Variants in COPRS observed in about 807,000 individuals in gnomAD.
The protein encoded by COPRS is coordinator of PRMT5 and differentiation stimulator, also known as cooperator of PRMT5.
Under a neutral mutation model 19.9 loss-of-function variants are expected in COPRS, and 11 were observed. The ratio of observed to expected loss-of-function variants is 0.55; its 90% CI spans 0.35 to 0.92. COPRS has a LOEUF of 0.92. Among genes scored for constraint, COPRS ranks in the 40% least tolerant of loss-of-function variants. The pLI is 0.01. For missense variants in COPRS, 225 were observed against 229.9 expected (o/e 0.98, Z 0.14); for synonymous variants, 81 against 82.7 (o/e 0.98, Z 0.11).
intron 2 of COPRS, among the ~76,000 whole-genome samples, chr17:31,855,671 G>C: frequency 6.7e-6 from 1 of 148,236 alleles, no homozygotes; most frequent in East Asian, 2.0e-4. Flanking sequence ...GGGTGACAGA[G>C]TGAGACTCCA....
intron 1 of COPRS, chr17:31,858,872 CA>C (rs1909443151): frequency 6.5e-7 from 1 of 1,541,572 alleles, no homozygotes; most frequent in African/African-American, 1.4e-5. Context: ...TCTGCTGACC[CA>C]GAGCGCCCAC....
At chr17:31,852,666 G>A in intron 3 of COPRS, 146 bp downstream of exon 3, 1 of 708,922 alleles carries the variant, frequency 1.4e-6, no homozygotes, top group South Asian at 1.6e-5. Flanking sequence ...ATATAAAAGA[G>A]AAGGTGTCAC....
intron 2 of COPRS, 106 bp downstream of exon 2, chr17:31,856,693 A>T: frequency 1.3e-6 from 1 of 798,400 alleles, no homozygotes; most frequent in Non-Finnish European, 2.2e-6. Flanking sequence ...GAAGGCCACT[A>T]AGCAGCAGAG....
chr17:31,855,375 C>T (rs1220422203), intron 2 of COPRS, among the ~76,000 whole-genome samples: 3 of 152,008 alleles, frequency 2.0e-5, no homozygotes, highest in African/African-American at 2.4e-5. Flanking sequence ...GGCGTGGTGG[C>T]GGGTGCCTGT....
rs1425319027 is a variant in COPRS at position 31,859,086 on chromosome 17, C to T, written c.99+15G>A. ...TGCGGCTGGCTGTTGCTCCTGGCCC[C>T]CACGCGGCGCTCACCTCCGGGCTGG... On this transcript the variant is annotated intron_variant, in intron 1 of 3. Coordinates refer to ENST00000302362, the MANE Select transcript of COPRS (RefSeq NM_018405.4). 3 of 1,127,352 alleles carry T rather than the reference C, an allele frequency of 2.7e-6. No homozygotes were observed. Among genetic ancestry groups the T allele is most frequent in the African/African-American group, 3.3e-5 (2 of 60,132 alleles). 69.8% of individuals were successfully genotyped at this position (1,127,352 alleles called of 1,614,324 possible). A position where few individuals can be genotyped will look rare whatever the true frequency, so the allele number is the denominator to read the frequency against.
Position 31,852,988 on chromosome 17 carries a change from C to T in COPRS, c.209G>A (p.Gly70Asp), listed in dbSNP as rs1407342599. Residue 70 changes from glycine to aspartate, a missense_variant, in exon 3 of 4, where the codon GGT (glycine) becomes GAT (aspartate). Transcript: ENST00000302362. ...TTCCTCTTCAGAATGGGTGCCCTCACCCCGGGCAGGACTGTCATTAGGAAT... is the reference window on the plus strand; with the variant it reads ...TTCCTCTTCAGAATGGGTGCCCTCATCCCGGGCAGGACTGTCATTAGGAAT... ...QSIPNDSPAR[G>D]EGTHSEEEGF... The T allele has an allele frequency of 1.9e-6, 3 of 1,614,114 alleles. No individual in the cohort carries two copies. Among genetic ancestry groups the T allele is most frequent in the East Asian group, 4.5e-5 (2 of 44,880 alleles).
intron 2 of COPRS, among the ~76,000 whole-genome samples, chr17:31,855,150 C>T (rs569708210): frequency 2.6e-5 from 4 of 151,758 alleles, no homozygotes; most frequent in East Asian, 1.9e-4. Context: ...CCGAGGTGGG[C>T]GGATCACCTG....
chr17:31,852,600 T>C (rs147897729), intron 3 of COPRS, among the ~76,000 whole-genome samples: 1 of 152,316 alleles, frequency 6.6e-6, no homozygotes, highest in African/African-American at 2.4e-5. Flanking sequence ...AGTAACAGTT[T>C]TGACTTTAAA....
intron 2 of COPRS, among the ~76,000 whole-genome samples, chr17:31,855,201 G>C (rs1472909339): frequency 1.3e-5 from 2 of 151,632 alleles, no homozygotes; most frequent in African/African-American, 4.9e-5. Context: ...CATGGTGAAA[G>C]CCCCTCTCCA....
At chr17:31,856,739 G>A in intron 2 of COPRS, 60 bp downstream of exon 2, 1 of 1,007,996 alleles carries the variant, frequency 9.9e-7, no homozygotes, top group Non-Finnish European at 1.6e-6. Context: ...TGAGACAGAG[G>A]GACTATTCCT....
At chr17:31,855,826 T>A (rs1909330570) in intron 2 of COPRS, among the ~76,000 whole-genome samples, 1 of 151,140 alleles carries the variant, frequency 6.6e-6, no homozygotes, top group Non-Finnish European at 1.5e-5. Context: ...TGAAACCCCA[T>A]CTCTACTAAA....
Position 31,857,096 on chromosome 17 carries a change from CA to C in COPRS, c.100-232del, listed in dbSNP as rs1459140881. Among the ~76,000 whole-genome samples, 23 of 152,268 alleles carry C rather than the reference CA, an allele frequency of 1.5e-4. 1 individual carries two copies. Among genetic ancestry groups the C allele is most frequent in the African/African-American group, 5.1e-4 (21 of 41,568 alleles). ...ATCACCTCATGACACTTCACCGTGG[CA>C]GCAGGAATGCCTTCCTATAGTGGCC... On this transcript the variant is annotated intron_variant, in intron 1 of 3. Transcript: ENST00000302362.
chr17:31,852,771 G>C, intron 3 of COPRS, 41 bp downstream of exon 3: 1 of 1,437,286 alleles, frequency 7.0e-7, no homozygotes, highest in Non-Finnish European at 9.8e-7. Flanking sequence ...AGGTGTGTCT[G>C]AGAAGGCCTA....
chr17:31,856,514 T>G (rs1026028020), intron 2 of COPRS: 6 of 401,004 alleles, frequency 1.5e-5, no homozygotes, highest in East Asian at 5.6e-5. Flanking sequence ...GGCGGGGGGG[T>G]CTTAGAATGT....
At chr17:31,857,882 C>T (rs1598086771) in intron 1 of COPRS, among the ~76,000 whole-genome samples, 3 of 152,170 alleles carry the variant, frequency 2.0e-5, no homozygotes, top group Admixed American at 6.5e-5. Context: ...AAACTGTACT[C>T]GGCACCTGCT....
intron 2 of COPRS, chr17:31,856,498 C>T: frequency 2.6e-6 from 1 of 390,150 alleles, no homozygotes; most frequent in Non-Finnish European, 4.6e-6. Flanking sequence ...TTCAGGCATC[C>T]ATTGGGGCGG....
chr17:31,856,025 C>T (rs975082349), intron 2 of COPRS, among the ~76,000 whole-genome samples: 1 of 147,244 alleles, frequency 6.8e-6, no homozygotes, highest in African/African-American at 2.5e-5. Flanking sequence ...GGGGGCTGGG[C>T]ACAGTGGCTC....
chr17:31,853,382 CT>C (rs397764121), intron 2 of COPRS, among the ~76,000 whole-genome samples: 1,424 of 139,752 alleles, frequency 0.01, 5 homozygotes, highest in African/African-American at 0.028. Context: ...AGTTTTTGCT[CT>C]TTTTTTTTTT....
chr17:31,856,290 G>A (rs556321400), intron 2 of COPRS, among the ~76,000 whole-genome samples: 115 of 152,166 alleles, frequency 7.6e-4, no homozygotes, highest in Non-Finnish European at 1.3e-3. Flanking sequence ...AGCTGACATC[G>A]TGCCACTGTA....
Sources: allele counts gnomAD v4.1 joint callset (sites outside exome capture counted in the v4.1 genomes callset), GRCh38; gene constraint gnomAD v4.1.1; transcripts MANE v1.5; gene names NCBI Gene and HGNC (gene_info 2026-07-23, HGNC 2026-07-21).